The following CRB1 variants were observed in gnomAD, a reference collection of about 807,000 sequenced individuals.
CRB1 encodes the protein crumbs cell polarity complex component 1, also known as protein crumbs homolog 1.
A neutral mutation model predicts 120.0 loss-of-function variants in CRB1; 83 were observed. The observed-to-expected ratio is 0.69, with a 90% confidence interval of 0.58 to 0.83. CRB1 has a LOEUF of 0.83. CRB1 is among the 40% of genes least tolerant of loss of function. The probability of loss-of-function intolerance (pLI) is 0.00; values close to 1 mark genes in which losing one functional copy is unlikely to be tolerated. For missense variants in CRB1, 1,699 were observed against 1,687.6 expected (o/e 1.01, Z -0.12); for synonymous variants, 625 against 612.5 (o/e 1.02, Z -0.30).
intron 1 of CRB1, among the ~76,000 whole-genome samples, chr1:197,326,871 T>C (rs1184216289): frequency 6.6e-6 from 1 of 151,468 alleles, no homozygotes; most frequent in African/African-American, 2.4e-5. Context: ...TTATTTTGTT[T>C]CATTCTCTTT....
chr1:197,268,250 T>G, upstream of CRB1: 1 of 666,360 alleles, frequency 1.5e-6, no homozygotes, highest in Non-Finnish European at 2.8e-6. Flanking sequence ...ATTTTGAATC[T>G]AAGTCCCTGT....
intron 11 of CRB1, among the ~76,000 whole-genome samples, chr1:197,472,370 G>A (rs2125564816): frequency 6.6e-6 from 1 of 152,222 alleles, no homozygotes; most frequent in Middle Eastern, 3.4e-3. Flanking sequence ...ACTTCTGTTG[G>A]TTTTATAAAA....
At chr1:197,420,052 C>T (rs953239662) in intron 5 of CRB1, among the ~76,000 whole-genome samples, 1 of 148,908 alleles carries the variant, frequency 6.7e-6, no homozygotes, top group Non-Finnish European at 1.5e-5. Context: ...TGCTTTGGAA[C>T]TTAGACTTCA....
chr1:197,304,892 A>T (rs1347658050), intron 1 of CRB1, among the ~76,000 whole-genome samples: 1 of 152,158 alleles, frequency 6.6e-6, no homozygotes, highest in African/African-American at 2.4e-5. Flanking sequence ...GGTGGCAGTG[A>T]CACAGAGGCA....
intron 1 of CRB1, among the ~76,000 whole-genome samples, chr1:197,320,343 C>T (rs1658117607): frequency 6.6e-6 from 1 of 152,138 alleles, no homozygotes; most frequent in Admixed American, 6.5e-5. Context: ...AATACTCATC[C>T]TTTATTAGGC....
intron 11 of CRB1, among the ~76,000 whole-genome samples, chr1:197,457,320 C>A (rs988814861): frequency 2.0e-5 from 3 of 152,018 alleles, no homozygotes; most frequent in Non-Finnish European, 4.4e-5. Flanking sequence ...TTCACAAAAT[C>A]CCAAGAGTTA....
At chr1:197,447,967 A>G (rs1429512612) in intron 11 of CRB1, among the ~76,000 whole-genome samples, 2 of 151,956 alleles carry the variant, frequency 1.3e-5, no homozygotes, top group African/African-American at 4.8e-5. Flanking sequence ...CCAAGCACTG[A>G]TAGTCCACAT....
intron 5 of CRB1, among the ~76,000 whole-genome samples, chr1:197,405,348 G>A (rs1663301403): frequency 6.6e-6 from 1 of 152,066 alleles, no homozygotes; most frequent in Admixed American, 6.6e-5. Flanking sequence ...GAGGTGCCGG[G>A]ATTGCAGATG....
chr1:197,476,495 T>C (rs1270291069), intron 11 of CRB1, among the ~76,000 whole-genome samples: 2 of 152,032 alleles, frequency 1.3e-5, no homozygotes, highest in African/African-American at 2.4e-5. Flanking sequence ...TAAATGCTCA[T>C]AGTAAATGGT....
chr1:197,350,297 T>A (rs1300991697), intron 4 of CRB1, among the ~76,000 whole-genome samples: 2 of 152,092 alleles, frequency 1.3e-5, no homozygotes, highest in Non-Finnish European at 2.9e-5. Flanking sequence ...AAGTTCCTCA[T>A]CTGCAAAAGA....
the CRB1 span, among the ~76,000 whole-genome samples, chr1:197,246,543 T>C: frequency 0.16 from 24,593 of 151,900 alleles, 2,249 homozygotes; most frequent in Middle Eastern, 0.24. Flanking sequence ...TCTCCTTATA[T>C]TTATTGCATA....
At chr1:197,242,508 T>G in the CRB1 span, among the ~76,000 whole-genome samples, 1 of 152,220 alleles carries the variant, frequency 6.6e-6, no homozygotes, top group Non-Finnish European at 1.5e-5. Context: ...GAACGAGTCT[T>G]GCATCCCAGG....
At chr1:197,225,631 C>T in the CRB1 span, among the ~76,000 whole-genome samples, 114 of 152,314 alleles carry the variant, frequency 7.5e-4, 2 homozygotes, top group East Asian at 0.022. Flanking sequence ...GGTCTGTGAT[C>T]TTGCTACACT....
chr1:197,369,689 C>T (rs184098853), intron 5 of CRB1, among the ~76,000 whole-genome samples: 1 of 152,198 alleles, frequency 6.6e-6, no homozygotes, highest in South Asian at 2.1e-4. Flanking sequence ...GTCCCAGCGT[C>T]CCAGTTCATC....
the CRB1 span, among the ~76,000 whole-genome samples, chr1:197,246,904 C>G: frequency 1.3e-5 from 2 of 152,050 alleles, no homozygotes; most frequent in Non-Finnish European, 2.9e-5. Flanking sequence ...CCCTGGCTTA[C>G]ATCATGGAAT....
At chr1:197,423,332 G>C (rs933666157) in intron 6 of CRB1, among the ~76,000 whole-genome samples, 1 of 151,996 alleles carries the variant, frequency 6.6e-6, no homozygotes, top group East Asian at 1.9e-4. Context: ...TTCAAACCAA[G>C]TTCCTGAATT....
At chr1:197,390,715 T>G (rs1233219210) in intron 5 of CRB1, among the ~76,000 whole-genome samples, 1 of 152,146 alleles carries the variant, frequency 6.6e-6, no homozygotes, top group Non-Finnish European at 1.5e-5. Flanking sequence ...GACGTGAATT[T>G]TTTTAATTGT....
chr1:197,312,444 G>A (rs1380023911), intron 1 of CRB1, among the ~76,000 whole-genome samples: 1 of 152,092 alleles, frequency 6.6e-6, no homozygotes, highest in Non-Finnish European at 1.5e-5. Context: ...AAAGCTGGGC[G>A]TGGTGGCAGG....
the CRB1 span, among the ~76,000 whole-genome samples, chr1:197,247,046 C>T: frequency 6.6e-6 from 1 of 151,964 alleles, no homozygotes; most frequent in African/African-American, 2.4e-5. Flanking sequence ...ATAAGTAAAT[C>T]CTCATACTGT....
Sources: gnomAD v4.1 joint callset for allele counts (sites outside exome capture counted in the v4.1 genomes callset) on GRCh38, gnomAD v4.1.1 for gene constraint, MANE v1.5 for transcripts, NCBI Gene and HGNC (gene_info 2026-07-23, HGNC 2026-07-21) for gene names.